The following TLL1 variants were observed in gnomAD, a reference collection of about 807,000 sequenced individuals.
The protein encoded by TLL1 is tolloid like 1.
Under a neutral mutation model 128.2 loss-of-function variants are expected in TLL1, and 49 were observed. The observed-to-expected ratio is 0.38, with a 90% CI of 0.30 to 0.48. TLL1 has a LOEUF of 0.48. TLL1 is among the 20% of genes least tolerant of loss of function. The probability of loss-of-function intolerance (pLI) is 0.96; values close to 1 mark genes in which losing one functional copy is unlikely to be tolerated. For missense variants in TLL1, 1,123 were observed against 1,242.0 expected, an observed-to-expected ratio of 0.90 and a Z score of 1.44; for synonymous variants, 454 against 418.8, an observed-to-expected ratio of 1.08 and a Z score of -1.03.
At chr4:166,052,224 C>T (rs910447707) in intron 12 of TLL1, among the ~76,000 whole-genome samples, 2 of 151,994 alleles carry the variant, frequency 1.3e-5, no homozygotes, top group Admixed American at 6.6e-5. Context: ...TAATTAAAAC[C>T]CTTTTTAATT....
chr4:165,977,438 A>G (rs1272488918), intron 1 of TLL1, among the ~76,000 whole-genome samples: 2 of 152,140 alleles, frequency 1.3e-5, no homozygotes, highest in Non-Finnish European at 2.9e-5. Flanking sequence ...AATCGTGTGG[A>G]TCAGTGAGTC....
At chr4:165,982,748 A>AC (rs1213617612) in intron 1 of TLL1, among the ~76,000 whole-genome samples, 1 of 151,424 alleles carries the variant, frequency 6.6e-6, no homozygotes, top group East Asian at 1.9e-4. Flanking sequence ...AAAAAAAAAA[A>AC]AAAGCAAATT....
rs140045115 is a variant in TLL1 at position 166,092,614 on chromosome 4, G to A, written c.2656+1273G>A. Among the ~76,000 whole-genome samples, 967 of 152,158 alleles carry A rather than the reference G, an allele frequency of 6.4e-3. 13 individuals are homozygous for A. Among genetic ancestry groups the A allele is most frequent in the African/African-American group, 0.021 (873 of 41,542 alleles). The stretch of plus-strand genomic sequence containing the variant: ...ACTTAATCAATATTTCACTGATAGC[G>A]CAGAGTTCATCAGATTTTAGAAAAT... On this transcript the variant is annotated intron_variant, in intron 19 of 20. Transcript: ENST00000061240.
intron 19 of TLL1, among the ~76,000 whole-genome samples, chr4:166,093,060 A>T (rs1271644950): frequency 6.6e-6 from 1 of 152,132 alleles, no homozygotes; most frequent in Non-Finnish European, 1.5e-5. Context: ...AATAGAGGTC[A>T]TGTGAAGGGG....
chr4:165,907,653 A>G (rs965228314), intron 1 of TLL1, among the ~76,000 whole-genome samples: 1 of 151,330 alleles, frequency 6.6e-6, no homozygotes, highest in African/African-American at 2.4e-5. Context: ...GGTTCAAACG[A>G]TTCTCCTGTC....
At chr4:165,938,807 G>C (rs1393281806) in intron 1 of TLL1, among the ~76,000 whole-genome samples, 1 of 140,456 alleles carries the variant, frequency 7.1e-6, no homozygotes, top group African/African-American at 2.7e-5. Context: ...ACTCCTTTCT[G>C]TAGGTTTCCT....
chr4:165,875,250 TAACTAG>T (rs765674572), intron 1 of TLL1, among the ~76,000 whole-genome samples: 4 of 152,290 alleles, frequency 2.6e-5, no homozygotes, highest in South Asian at 2.1e-4. Flanking sequence ...TTCCCTTCCA[TAACTAG>T]ATAAGCATTA....
intron 1 of TLL1, among the ~76,000 whole-genome samples, chr4:165,882,534 A>T (rs1475480581): frequency 6.6e-6 from 1 of 152,142 alleles, no homozygotes; most frequent in African/African-American, 2.4e-5. Context: ...GCAGGCAGTC[A>T]CCAGGGTCAG....
chr4:165,878,174 G>C (rs1440037194), intron 1 of TLL1, among the ~76,000 whole-genome samples: 1 of 152,042 alleles, frequency 6.6e-6, no homozygotes, highest in Non-Finnish European at 1.5e-5. Flanking sequence ...GTACTTTCTA[G>C]CTGAACTGGC....
intron 1 of TLL1, among the ~76,000 whole-genome samples, chr4:165,880,938 G>A (rs902020072): frequency 2.0e-5 from 3 of 152,204 alleles, no homozygotes; most frequent in Admixed American, 2.0e-4. Context: ...TATTTGAAGA[G>A]TTTATTGGGA....
intron 1 of TLL1, among the ~76,000 whole-genome samples, chr4:165,981,596 A>T (rs1736150097): frequency 6.6e-6 from 1 of 152,056 alleles, no homozygotes; most frequent in Non-Finnish European, 1.5e-5. Flanking sequence ...CGTGATTTGC[A>T]GTTATTTATA....
chr4:166,027,470 C>G (rs568890923), intron 9 of TLL1, among the ~76,000 whole-genome samples: 1 of 152,158 alleles, frequency 6.6e-6, no homozygotes, highest in East Asian at 1.9e-4. Flanking sequence ...AGTGGAAACT[C>G]TAAATGAAAT....
At chr4:166,021,594 G>A (rs796833166) in intron 8 of TLL1, among the ~76,000 whole-genome samples, 5 of 152,004 alleles carry the variant, frequency 3.3e-5, no homozygotes, top group East Asian at 1.9e-4. Context: ...CACCATGCCC[G>A]GCTAAATTTT....
Position 165,895,633 on chromosome 4 carries a change from T to TAAAAAA in TLL1, c.169+21584_169+21589dup, listed in dbSNP as rs57920393. Among the ~76,000 whole-genome samples, 123 of 68,430 alleles carry TAAAAAA rather than the reference T, an allele frequency of 1.8e-3. 8 individuals are homozygous for TAAAAAA. The highest frequency in any genetic ancestry group is 0.011 in the African/African-American group (110 of 9,912). 44.9% of individuals were successfully genotyped at this position (68,430 alleles called of 152,430 possible). On this transcript the variant is annotated intron_variant, in intron 1 of 20. Coordinates refer to ENST00000061240, the MANE Select transcript of TLL1 (RefSeq NM_012464.5). Reference sequence around the variant, plus strand: ...CCAAAAAGCTCAGTAAGACTTTTTGTAAAAAAAAAAAAAAAAAAAAAAAAA... The same window carrying TAAAAAA: ...CCAAAAAGCTCAGTAAGACTTTTTGTAAAAAAAAAAAAAAAAAAAAAAAAAAAAAAA...
chr4:166,086,064 AG>A (rs1490431543), intron 18 of TLL1, among the ~76,000 whole-genome samples: 1 of 152,128 alleles, frequency 6.6e-6, no homozygotes, highest in Non-Finnish European at 1.5e-5. Flanking sequence ...AAAGATATTT[AG>A]ATGATCTAGC....
At chr4:166,037,733 G>A (rs144100655) in intron 9 of TLL1, among the ~76,000 whole-genome samples, 2,493 of 151,948 alleles carry the variant, frequency 0.016, 70 homozygotes, top group African/African-American at 0.055. Context: ...GCTTCAACCC[G>A]GAAGGCAGAG....
intron 9 of TLL1, among the ~76,000 whole-genome samples, chr4:166,035,845 T>G (rs994881034): frequency 1.1e-4 from 17 of 152,106 alleles, no homozygotes; most frequent in Non-Finnish European, 2.2e-4. Flanking sequence ...CGATAGAACT[T>G]TTACAGAAAC....
At chr4:165,955,146 A>G (rs761315517) in intron 1 of TLL1, among the ~76,000 whole-genome samples, 2 of 152,150 alleles carry the variant, frequency 1.3e-5, no homozygotes, top group Non-Finnish European at 2.9e-5. Context: ...ATCAGTAACA[A>G]CAGAATAGAG....
At position 166,048,331 on chromosome 4, in the gene TLL1, T is replaced by C. The variant is rs955482507; in HGVS notation, c.1524+4912T>C. Among the ~76,000 whole-genome samples, 11 of 151,536 alleles carry C rather than the reference T, an allele frequency of 7.3e-5. No homozygotes were observed. The South Asian group carries it at 2.3e-3, about 32-fold the overall frequency. On this transcript the variant is annotated intron_variant, in intron 12 of 20. Transcript: ENST00000061240. Reference sequence around the variant, plus strand: ...TATGAAGAGGGCCCTCACCAGACACTGAATCTGCTAGTGCCTTAACCTTGA... The same window carrying C: ...TATGAAGAGGGCCCTCACCAGACACCGAATCTGCTAGTGCCTTAACCTTGA...
Sources: gnomAD v4.1 joint callset for allele counts (sites outside exome capture counted in the v4.1 genomes callset) on GRCh38, gnomAD v4.1.1 for gene constraint, MANE v1.5 for transcripts, NCBI Gene and HGNC (gene_info 2026-07-23, HGNC 2026-07-21) for gene names.